The following MRM1 variants were observed in gnomAD, a reference collection of about 807,000 sequenced individuals.
MRM1 encodes mitochondrial rRNA methyltransferase 1, also known as rRNA methyltransferase 1, mitochondrial.
In MRM1, 24 loss-of-function variants were observed where a neutral mutation model predicts 25.0. The observed-to-expected ratio is 0.96, with a 90% confidence interval of 0.69 to 1.35. MRM1 has a LOEUF of 1.35. MRM1 is among the 40% of genes most tolerant of loss of function. The pLI is 0.00. For missense variants in MRM1, 431 were observed against 464.1 expected (o/e 0.93, Z 0.65); for synonymous variants, 188 against 199.2 (o/e 0.94, Z 0.47).
chr17:36,627,674 G>GTTTTCTTTTTTTTT, the MRM1 span, among the ~76,000 whole-genome samples: 1 of 83,728 alleles, frequency 1.2e-5, no homozygotes. Context: ...TTTGGACACT[G>GTTTTCTTTTTTTTT]TTTTTTTTTT....
chr17:36,602,254 C>T lies in MRM1; in HGVS notation c.444C>T (p.Leu148=), dbSNP rs745357242. The T allele has an allele frequency of 1.2e-6, 2 of 1,608,524 alleles. No individual in the cohort carries two copies. Among genetic ancestry groups the T allele is most frequent in the South Asian group, 1.1e-5 (1 of 90,910 alleles). Residue 148 remains leucine, a synonymous_variant, in exon 1 of 5, where the codon CTC becomes CTT. Transcript: ENST00000614766. This position sits in a 1 kb window ranked among gnomAD's most constrained non-coding sequence, Gnocchi z 4.1. The part of the protein sequence containing the change: ...SPGDDPQQLW[L]VLDGIQDPRN... ...GCGACGACCCCCAGCAGTTGTGGCT[C>T]GTCCTCGATGGGATCCAGGATCCCC...
At chr17:36,622,356 G>C in the MRM1 span, among the ~76,000 whole-genome samples, 1 of 152,054 alleles carries the variant, frequency 6.6e-6, no homozygotes, top group Non-Finnish European at 1.5e-5. Context: ...TGGATCACCT[G>C]AGGTCAGAAG....
At chr17:36,618,954 GTCAGTAGTGTTAAGTATA>G in the MRM1 span, among the ~76,000 whole-genome samples, 1 of 152,172 alleles carries the variant, frequency 6.6e-6, no homozygotes, top group East Asian at 1.9e-4. Context: ...AAGTGTACCA[GTCAGTAGTGTTAAGTATA>G]TTCACATTGC....
Position 36,608,010 on chromosome 17 carries a change from T to C in MRM1, c.881T>C (p.Val294Ala), listed in dbSNP as rs2074946864. ...PPGLESLNVS[V>A]AAGILLHSIC... ...GGACTTGAGTCCTTGAACGTCTCTG[T>C]GGCTGCAGGTGAGTCTACTCCCCTT... The change falls in exon 4 of 5, where the codon GTG becomes GCG. Residue 294 changes from valine to alanine, a missense_variant. Val to Ala is a moderately conservative substitution (Grantham distance 64). Coordinates refer to ENST00000614766, the MANE Select transcript of MRM1 (RefSeq NM_024864.5). 6.2e-7 allele frequency: 1 copy of C among 1,613,972 alleles called. No homozygotes were observed.
chr17:36,628,098 C>G, the MRM1 span, among the ~76,000 whole-genome samples: 1 of 152,300 alleles, frequency 6.6e-6, no homozygotes, highest in East Asian at 1.9e-4. Flanking sequence ...TCTCTCTAAT[C>G]CCTTTAACAA....
Position 36,602,168 on chromosome 17 carries a change from T to A in MRM1, c.358T>A (p.Cys120Ser). 1 of 1,612,246 alleles carries A rather than the reference T, an allele frequency of 6.2e-7. No individual in the cohort carries two copies. Among genetic ancestry groups the A allele is most frequent in the East Asian group, 2.2e-5 (1 of 44,828 alleles). ...CCGCTACCAGGTCCACCAGGGTGTC[T>A]GCATGGAGGTGAGCCCGCTGCGGCC... ...MCRYQVHQGVCMEVSPLRPRP... is the reference protein window; with the variant it reads ...MCRYQVHQGVSMEVSPLRPRP... The change falls in exon 1 of 5, where the codon TGC becomes AGC. Residue 120 changes from cysteine (C) to serine (S), a missense_variant. Cys to Ser is a moderately radical substitution (Grantham distance 112). Transcript: ENST00000614766. The surrounding 1 kb of genome is among the most constrained non-coding windows in gnomAD (Gnocchi z 4.1).
At chr17:36,629,684 G>A in the MRM1 span, among the ~76,000 whole-genome samples, 1 of 150,780 alleles carries the variant, frequency 6.6e-6, no homozygotes, top group Non-Finnish European at 1.5e-5. Context: ...GGGGCAGTGG[G>A]AGGAGCAGAG....
At chr17:36,613,032 T>TC (rs1477138322), downstream of MRM1, among the ~76,000 whole-genome samples, 1 of 151,890 alleles carries the variant, frequency 6.6e-6, no homozygotes, top group Admixed American at 6.6e-5. Context: ...ATTTGTAGGA[T>TC]CCCCCTTTGT....
At position 36,602,719 on chromosome 17, in the gene MRM1, C is replaced by T. The variant is rs1389450642; in HGVS notation, c.636+73C>T. 1 of 1,556,766 alleles carries T rather than the reference C, an allele frequency of 6.4e-7. No homozygotes were observed. Among genetic ancestry groups the T allele is most frequent in the South Asian group, 1.1e-5 (1 of 89,790 alleles). ...CTCTTCAAGGGGACGAAGCTAGCCC[C>T]TGGCGAGGGAGAGAAAGGGGCATGT... On this transcript the variant is annotated intron_variant, in intron 2 of 4. Coordinates refer to ENST00000614766, the MANE Select transcript of MRM1 (RefSeq NM_024864.5). The surrounding 1 kb of genome is among the most constrained non-coding windows in gnomAD (Gnocchi z 4.1).
chr17:36,633,828 T>C, the MRM1 span, among the ~76,000 whole-genome samples: 2 of 152,226 alleles, frequency 1.3e-5, no homozygotes, highest in African/African-American at 4.8e-5. Context: ...CTGATTCCGC[T>C]GTGCCTCCTT....
chr17:36,627,277 G>T, the MRM1 span, among the ~76,000 whole-genome samples: 306 of 152,360 alleles, frequency 2.0e-3, 1 homozygote, highest in African/African-American at 6.8e-3. Flanking sequence ...CCTTGCAGCT[G>T]CTGGAAGTGA....
chr17:36,617,355 A>G, the MRM1 span, among the ~76,000 whole-genome samples: 1 of 151,214 alleles, frequency 6.6e-6, no homozygotes, highest in Non-Finnish European at 1.5e-5. Context: ...TGCCCTTGGC[A>G]TATGGTAGAC....
At chr17:36,634,077 C>T in the MRM1 span, 1 of 152,240 alleles carries the variant, frequency 6.6e-6, no homozygotes, top group African/African-American at 2.4e-5. Context: ...TTCTCTCTCC[C>T]CCATTCTTCT....
the MRM1 span, among the ~76,000 whole-genome samples, chr17:36,626,984 C>T: frequency 6.6e-6 from 1 of 152,212 alleles, no homozygotes; most frequent in African/African-American, 2.4e-5. Context: ...CCACATGCTG[C>T]GCATCTGCGG....
rs778978352 is a variant in MRM1 at position 36,608,455 on chromosome 17, C to T, written c.*40C>T. On this transcript the variant is annotated 3_prime_UTR_variant, in exon 5 of 5. Coordinates refer to ENST00000614766, the MANE Select transcript of MRM1 (RefSeq NM_024864.5). ...AGTGTTCATGTGCTGGAGTCAGGGA[C>T]GGCCGCACCTGCCTCCGCCGGCTCC... is the stretch of plus-strand genomic sequence containing the variant. 5.0e-6 allele frequency: 7 copies of T among 1,408,804 alleles called. No individual in the cohort carries two copies. Among genetic ancestry groups the T allele is most frequent in the Non-Finnish European group, 6.5e-6 (7 of 1,071,134 alleles). 87.3% of individuals were successfully genotyped at this position (1,408,804 alleles called of 1,614,324 possible).
At chr17:36,617,642 C>T in the MRM1 span, among the ~76,000 whole-genome samples, 4 of 152,212 alleles carry the variant, frequency 2.6e-5, no homozygotes, top group East Asian at 5.8e-4. Context: ...GTGATCCACC[C>T]GCTTTGGCTT....
chr17:36,628,259 A>T, the MRM1 span, among the ~76,000 whole-genome samples: 1 of 152,166 alleles, frequency 6.6e-6, no homozygotes, highest in Non-Finnish European at 1.5e-5. Context: ...AAGTGCTAGG[A>T]TTATAGGCAC....
At position 36,602,245 on chromosome 17, in the gene MRM1, G is replaced by C. The variant is rs751185835; in HGVS notation, c.435G>C (p.Gln145His). Residue 145 changes from glutamine to histidine, a missense_variant, in exon 1 of 5, where the codon CAG becomes CAC. Gln to His is a conservative substitution (Grantham distance 24, BLOSUM62 0). Transcript: ENST00000614766. This position sits in a 1 kb window ranked among gnomAD's most constrained non-coding sequence, Gnocchi z 4.1. ...GEASPGDDPQ[Q>H]LWLVLDGIQD... ...CGAGCCCAGGCGACGACCCCCAGCA[G>C]TTGTGGCTCGTCCTCGATGGGATCC... 2 of 1,609,174 alleles carry C rather than the reference G, an allele frequency of 1.2e-6. No homozygotes were observed. The highest frequency in any genetic ancestry group is 4.5e-5 in the East Asian group (2 of 44,754).
chr17:36,603,302 T>A (rs1339902947), intron 2 of MRM1: 2 of 753,846 alleles, frequency 2.7e-6, no homozygotes, highest in African/African-American at 3.8e-5. Flanking sequence ...TTAGCTTTTC[T>A]AGTAGCCACA....
Sources: gnomAD v4.1 joint callset for allele counts (sites outside exome capture counted in the v4.1 genomes callset) on GRCh38, gnomAD v4.1.1 for gene constraint, Gnocchi (gnomAD v3.1) non-coding constraint, MANE v1.5 for transcripts, NCBI Gene and HGNC (gene_info 2026-07-23, HGNC 2026-07-21) for gene names.